The following IRF8 variants were observed in gnomAD, a reference collection of about 807,000 sequenced individuals.
IRF8 encodes the protein interferon consensus sequence binding protein 1.
IRF8 carries 14 observed loss-of-function variants against 48.7 expected under a neutral mutation model. That is an observed-to-expected ratio of 0.29 (90% CI 0.19 to 0.45). The LOEUF (loss-of-function observed/expected upper bound fraction) is 0.45, where lower values mean the gene tolerates loss of function less well. Among genes scored for constraint, IRF8 ranks in the 20% least tolerant of loss-of-function variants. The pLI is 1.00. For missense variants in IRF8, 493 were observed against 580.7 expected, an observed-to-expected ratio of 0.85 and a Z score of 1.55; for synonymous variants, 278 against 227.3, an observed-to-expected ratio of 1.22 and a Z score of -2.01.
At chr16:85,906,370 A>G (rs1464600585) in intron 2 of IRF8, among the ~76,000 whole-genome samples, 1 of 152,122 alleles carries the variant, frequency 6.6e-6, no homozygotes, top group Non-Finnish European at 1.5e-5. Context: ...AATCACTCTC[A>G]TGTCTAGTTT....
chr16:85,911,029 C>T (rs1268524563), intron 3 of IRF8, among the ~76,000 whole-genome samples: 4 of 152,278 alleles, frequency 2.6e-5, no homozygotes, highest in South Asian at 2.1e-4. Flanking sequence ...TTTGTGATTA[C>T]GGCTGGTGCC....
chr16:85,917,289 C>A (rs1363368646), intron 6 of IRF8, among the ~76,000 whole-genome samples: 2 of 152,138 alleles, frequency 1.3e-5, no homozygotes, highest in African/African-American at 4.8e-5. Context: ...TCATTGCTAG[C>A]GTATGTAATT....
chr16:85,904,812 C>CTT (rs1177860791), intron 2 of IRF8, among the ~76,000 whole-genome samples: 11,994 of 87,408 alleles, frequency 0.14, 1,665 homozygotes, highest in African/African-American at 0.18. Context: ...GATTGCAGAT[C>CTT]TTTTTTTTTT....
At chr16:85,906,912 G>A (rs1423989112) in intron 2 of IRF8, among the ~76,000 whole-genome samples, 1 of 152,162 alleles carries the variant, frequency 6.6e-6, no homozygotes, top group Admixed American at 6.5e-5. Flanking sequence ...GGTCCCAGCT[G>A]ATATGTCAGG....
chr16:85,908,916 G>A (rs1905072059), intron 2 of IRF8, 74 bp from the exon 3 acceptor site: 3 of 1,281,820 alleles, frequency 2.3e-6, no homozygotes, highest in African/African-American at 1.5e-5. Context: ...GATGTGTGGG[G>A]TCCTGGTCAT....
intron 5 of IRF8, 119 bp from the exon 6 acceptor site, chr16:85,914,354 G>C: frequency 1.8e-6 from 2 of 1,132,362 alleles, no homozygotes; most frequent in East Asian, 2.4e-5. Flanking sequence ...GTGCTCCCTG[G>C]AGCCTCTGGC....
chr16:85,910,707 G>T (rs555686319), intron 3 of IRF8, among the ~76,000 whole-genome samples: 113 of 152,256 alleles, frequency 7.4e-4, no homozygotes, highest in African/African-American at 2.6e-3. Context: ...GCCTACAGGG[G>T]CCCACTCGCC....
At chr16:85,902,977 A>T in intron 1 of IRF8, 38 bp from the exon 2 acceptor site, 4 of 1,611,066 alleles carry the variant, frequency 2.5e-6, no homozygotes, top group Non-Finnish European at 3.4e-6. Flanking sequence ...ATGAGACAAT[A>T]TCCGTAATAT....
At chr16:85,911,064 C>A (rs185545029) in intron 3 of IRF8, among the ~76,000 whole-genome samples, 1 of 152,070 alleles carries the variant, frequency 6.6e-6, no homozygotes, top group African/African-American at 2.4e-5. Context: ...GAGGGTGCTG[C>A]GGTGTGTGTG....
At chr16:85,912,822 G>A (rs1905185371) in intron 4 of IRF8, among the ~76,000 whole-genome samples, 1 of 152,194 alleles carries the variant, frequency 6.6e-6, no homozygotes, top group South Asian at 2.1e-4. Flanking sequence ...GCGTGTCCAG[G>A]GCGTTGAGGG....
At chr16:85,912,780 A>G (rs1265714164) in intron 4 of IRF8, among the ~76,000 whole-genome samples, 1 of 152,246 alleles carries the variant, frequency 6.6e-6, no homozygotes, top group Non-Finnish European at 1.5e-5. Context: ...TTTGGCCAGC[A>G]TCACTGTTCA....
intron 6 of IRF8, among the ~76,000 whole-genome samples, chr16:85,916,663 G>T (rs1905317726): frequency 6.6e-6 from 1 of 152,214 alleles, no homozygotes; most frequent in South Asian, 2.1e-4. Flanking sequence ...CCAAGATAAG[G>T]CCCCGGAAAT....
intron 3 of IRF8, among the ~76,000 whole-genome samples, chr16:85,910,127 G>C (rs1905103712): frequency 6.6e-6 from 1 of 152,204 alleles, no homozygotes; most frequent in African/African-American, 2.4e-5. Context: ...AATCTATAGT[G>C]AATCTGTGTC....
chr16:85,908,868 G>A, intron 2 of IRF8, 122 bp from the exon 3 acceptor site: 1 of 881,256 alleles, frequency 1.1e-6, no homozygotes, highest in East Asian at 2.4e-5. Context: ...GAAATTGAAT[G>A]AGAGTTGATG....
chr16:85,904,868 A>G (rs1382138257), intron 2 of IRF8, among the ~76,000 whole-genome samples: 1 of 129,152 alleles, frequency 7.7e-6, no homozygotes, highest in Admixed American at 8.8e-5. Context: ...CTTGGGAAGG[A>G]CTGCAAATGT....
At chr16:85,920,490 G>T (rs1168910851) in intron 8 of IRF8, among the ~76,000 whole-genome samples, 1 of 152,106 alleles carries the variant, frequency 6.6e-6, no homozygotes, top group Non-Finnish European at 1.5e-5. Flanking sequence ...CTCCCAGCTT[G>T]GCCTCCCAAA....
chr16:85,909,453 G>A, intron 3 of IRF8: 1 of 456,596 alleles, frequency 2.2e-6, no homozygotes, highest in Non-Finnish European at 4.0e-6. Flanking sequence ...TCCTCCAGCA[G>A]TTTCTGATGA....
intron 8 of IRF8, among the ~76,000 whole-genome samples, chr16:85,920,470 T>C (rs4843321): frequency 0.41 from 62,833 of 151,942 alleles, 13,338 homozygotes; most frequent in African/African-American, 0.48. Context: ...ATGGTCTTGA[T>C]CTTGTGATCC....
At chr16:85,912,118 G>T (rs1457676861) in intron 4 of IRF8, among the ~76,000 whole-genome samples, 1 of 152,202 alleles carries the variant, frequency 6.6e-6, no homozygotes, top group Non-Finnish European at 1.5e-5. Flanking sequence ...TTTTTAATGT[G>T]CAGTTTTTAT....
Sources: allele counts gnomAD v4.1 joint callset (sites outside exome capture counted in the v4.1 genomes callset), GRCh38; gene constraint gnomAD v4.1.1; transcripts MANE v1.5; gene names NCBI Gene and HGNC (gene_info 2026-07-23, HGNC 2026-07-21).